NLRP2: variants seen among roughly 807,000 people sequenced by gnomAD.
NLRP2 encodes NACHT, LRR and PYD domains-containing protein 2.
NLRP2 carries 107 observed loss-of-function variants against 97.2 expected under a neutral mutation model. That is an observed-to-expected ratio of 1.10 (90% CI 0.94 to 1.29). NLRP2 has a LOEUF of 1.29. Ranked by LOEUF, NLRP2 falls within the 50% of genes most tolerant of loss-of-function variation. The pLI is 0.00. For synonymous variants in NLRP2, 663 were observed against 551.5 expected (o/e 1.20, Z -2.83); for missense variants, 1,495 against 1,330.3 (o/e 1.12, Z -1.93).
intron 9 of NLRP2, 133 bp downstream of exon 9, chr19:54,990,325 C>T (rs2072387548): frequency 1.7e-6 from 2 of 1,155,480 alleles, no homozygotes; most frequent in Non-Finnish European, 2.6e-6. Context: ...AGATCCAGGC[C>T]GATGGCCTGT....
At chr19:54,988,073 C>T (rs2072217328) in intron 8 of NLRP2, among the ~76,000 whole-genome samples, 2 of 152,012 alleles carry the variant, frequency 1.3e-5, no homozygotes, top group African/African-American at 4.8e-5. Context: ...ATTGCTCTGG[C>T]TCTACTGATA....
In NLRP2 at chr19:54,982,692, C is replaced by T. The variant is rs767499946; in HGVS notation, c.994C>T (p.Leu332=). 2.4e-5 allele frequency: 39 copies of T among 1,613,966 alleles called. No individual in the cohort carries two copies. The highest frequency in any genetic ancestry group is 3.1e-5 in the Non-Finnish European group (37 of 1,179,996). ...LNRVMLPKAA[L]LVTTRPRALR... is the part of the protein sequence containing the mutation. The stretch of plus-strand genomic sequence containing the variant: ...CAGGGTGATGTTACCCAAGGCCGCC[C>T]TGCTGGTCACCACGCGGCCCAGGGC... The change falls in exon 6 of 13, where the codon CTG becomes TTG. Residue 332 remains leucine (L), a synonymous_variant. Transcript: ENST00000448584.
At chr19:54,992,805 C>T (rs193238851) in intron 10 of NLRP2, among the ~76,000 whole-genome samples, 1,633 of 151,978 alleles carry the variant, frequency 0.011, 18 homozygotes, top group Non-Finnish European at 0.017. Context: ...GTGATCCACC[C>T]ACCTCAGCCT....
chr19:54,995,984 G>A (rs2072786339), intron 11 of NLRP2, among the ~76,000 whole-genome samples: 1 of 136,670 alleles, frequency 7.3e-6, no homozygotes, highest in Non-Finnish European at 1.5e-5. Flanking sequence ...AAGTTACAGC[G>A]AATTGAGATC....
intron 2 of NLRP2, among the ~76,000 whole-genome samples, chr19:54,973,158 T>C (rs947313784): frequency 6.0e-5 from 9 of 150,620 alleles, no homozygotes; most frequent in Non-Finnish European, 1.3e-4. Context: ...GCCACTGCGC[T>C]CCAGCCTGGG....
At chr19:54,966,728 A>G (rs571572427) in intron 1 of NLRP2, among the ~76,000 whole-genome samples, 103 of 147,804 alleles carry the variant, frequency 7.0e-4, no homozygotes, top group African/African-American at 2.5e-3. Context: ...TTGTATTTTT[A>G]GTAGAGACGG....
chr19:54,990,398 G>C, intron 9 of NLRP2, 104 bp from the exon 10 acceptor site: 1 of 1,237,140 alleles, frequency 8.1e-7, no homozygotes, highest in South Asian at 1.2e-5. Context: ...TAGAAGGTGG[G>C]GAGTTCACAA....
intron 1 of NLRP2, among the ~76,000 whole-genome samples, chr19:54,969,336 G>C (rs2070695333): frequency 6.6e-6 from 1 of 152,034 alleles, no homozygotes; most frequent in Non-Finnish European, 1.5e-5. Context: ...AAATTAGCTG[G>C]GCACAGTGGT....
chr19:54,991,056 G>T, intron 10 of NLRP2: 1 of 268,750 alleles, frequency 3.7e-6, no homozygotes, highest in Non-Finnish European at 7.1e-6. Context: ...CCCATGCTGT[G>T]TTTTCTCTTA....
intron 6 of NLRP2, among the ~76,000 whole-genome samples, chr19:54,984,327 G>GTGTGTGT (rs1203056319): frequency 1.2e-3 from 53 of 43,330 alleles, no homozygotes; most frequent in Admixed American, 2.0e-3. Flanking sequence ...GTTTTTTTTT[G>GTGTGTGT]TGTTTTTTTT....
chr19:54,997,396 C>T lies in NLRP2; in HGVS notation c.2959C>T (p.Leu987=). 1.2e-6 allele frequency: 2 copies of T among 1,614,222 alleles called. No individual in the cohort carries two copies. Among genetic ancestry groups the T allele is most frequent in the Non-Finnish European group, 1.7e-6 (2 of 1,180,030 alleles). ...ALSCNQSLVT[L]DLGQNPLGSS... ...CAGCTGCAACCAGAGCCTCGTCACTCTGGACCTGGGTCAGAATCCCTTGGG... is the reference window on the plus strand; with the variant it reads ...CAGCTGCAACCAGAGCCTCGTCACTTTGGACCTGGGTCAGAATCCCTTGGG... The change falls in exon 12 of 13, where the codon CTG becomes TTG. Residue 987 remains leucine (L), a synonymous_variant. Transcript: ENST00000448584.
Position 54,982,138 on chromosome 19 carries a change from C to T in NLRP2, c.464-24C>T, listed in dbSNP as rs149306029. On this transcript the variant is annotated intron_variant, in intron 5 of 12. Transcript: ENST00000448584. Reference sequence around the variant, plus strand: ...GGGTAACTGATTGCATCCTCTCTCCCTTCCCTCCTCACCAATGATAAAGAC... The same window carrying T: ...GGGTAACTGATTGCATCCTCTCTCCTTTCCCTCCTCACCAATGATAAAGAC... 4.3e-6 allele frequency: 7 copies of T among 1,613,552 alleles called. No individual in the cohort carries two copies. In the African/African-American group the frequency reaches 8.0e-5, roughly 18 times the overall value.
At chr19:54,968,652 A>G (rs2070636753) in intron 1 of NLRP2, among the ~76,000 whole-genome samples, 1 of 149,110 alleles carries the variant, frequency 6.7e-6, no homozygotes, top group African/African-American at 2.5e-5. Flanking sequence ...AGTAAAAGCC[A>G]CACACCTGTG....
At chr19:54,994,239 G>A in intron 10 of NLRP2, 30 bp from the exon 11 acceptor site, 1 of 1,613,586 alleles carries the variant, frequency 6.2e-7, no homozygotes, top group Non-Finnish European at 8.5e-7. Flanking sequence ...ACAGGTTCGG[G>A]TTTGCTTTCT....
intron 6 of NLRP2, among the ~76,000 whole-genome samples, chr19:54,984,758 T>C (rs566237203): frequency 1.2e-4 from 18 of 152,108 alleles, no homozygotes; most frequent in African/African-American, 3.9e-4. Flanking sequence ...GCTAGGATTA[T>C]AGGCGTGAGT....
intron 2 of NLRP2, among the ~76,000 whole-genome samples, chr19:54,971,673 G>T (rs1021237789): frequency 1.3e-5 from 2 of 151,770 alleles, no homozygotes; most frequent in Non-Finnish European, 2.9e-5. Context: ...GGGGTTGTTT[G>T]TTTTTTTCTT....
chr19:54,989,875 C>G, intron 8 of NLRP2, 147 bp from the exon 9 acceptor site: 1 of 793,716 alleles, frequency 1.3e-6, no homozygotes, highest in Non-Finnish European at 2.1e-6. Context: ...CCTGCAGTCC[C>G]AGCTACTCGG....
At chr19:54,970,471 GTGA>G (rs375721945) in intron 2 of NLRP2, among the ~76,000 whole-genome samples, 176 bp downstream of exon 2, 303 of 152,206 alleles carry the variant, frequency 2.0e-3, no homozygotes, top group Middle Eastern at 0.01. Context: ...GACCAACATG[GTGA>G]TGAAACAGCA....
rs28587372 is a variant in NLRP2 at position 54,997,195 on chromosome 19, G to A, written c.2880-122G>A. On this transcript the variant is annotated intron_variant, in intron 11 of 12. Coordinates refer to ENST00000448584, the MANE Select transcript of NLRP2 (RefSeq NM_017852.5). Reference sequence around the variant, plus strand: ...GCTGGGATTACAGGCGTGAACCACCGTGCCCGGCCTGAGACTTCTGTTGGT... The same window carrying A: ...GCTGGGATTACAGGCGTGAACCACCATGCCCGGCCTGAGACTTCTGTTGGT... 5,496 of 1,009,720 alleles carry A rather than the reference G, an allele frequency of 5.4e-3. 187 individuals carry two copies. The African/African-American group carries it at 0.074, about 14-fold the overall frequency. The allele number at this position is 1,009,720 out of a possible 1,614,324, so 62.5% of individuals were successfully genotyped here. A position where few individuals can be genotyped will look rare whatever the true frequency, so the allele number is the denominator to read the frequency against.
Sources: gnomAD v4.1 joint callset for allele counts (sites outside exome capture counted in the v4.1 genomes callset) on GRCh38, gnomAD v4.1.1 for gene constraint, MANE v1.5 for transcripts, NCBI Gene and HGNC (gene_info 2026-07-23, HGNC 2026-07-21) for gene names.